Variants in RPTOR observed in about 807,000 individuals in gnomAD.
The protein encoded by RPTOR is regulatory associated protein of MTOR complex 1.
A neutral mutation model predicts 169.9 loss-of-function variants in RPTOR; 21 were observed. That is an observed-to-expected ratio of 0.12 (90% CI 0.09 to 0.18). RPTOR has a LOEUF of 0.18. Among genes scored for constraint, RPTOR ranks in the 10% least tolerant of loss-of-function variants. The pLI is 1.00. For synonymous variants in RPTOR, 732 were observed against 753.2 expected, an observed-to-expected ratio of 0.97 and a Z score of 0.46; for missense variants, 1,133 against 1,855.9, an observed-to-expected ratio of 0.61 and a Z score of 7.16.
chr17:80,560,605 A>G (rs990190954), intron 1 of RPTOR, among the ~76,000 whole-genome samples: 2 of 152,072 alleles, frequency 1.3e-5, no homozygotes, highest in African/African-American at 4.8e-5. Flanking sequence ...AGCTGGAGGA[A>G]CGGGGACGTG....
intron 1 of RPTOR, among the ~76,000 whole-genome samples, chr17:80,584,009 G>A (rs370623730): frequency 6.6e-6 from 1 of 152,224 alleles, no homozygotes; most frequent in African/African-American, 2.4e-5. Flanking sequence ...GGTGCTGTTG[G>A]TTGTTTGCTC....
intron 10 of RPTOR, 112 bp downstream of exon 10, chr17:80,838,109 A>G: frequency 2.4e-6 from 2 of 819,398 alleles, no homozygotes; most frequent in South Asian, 3.3e-5. Flanking sequence ...CGGGTGTCAG[A>G]TTTTGTTCAC....
At chr17:80,665,942 G>A (rs2065775598) in intron 3 of RPTOR, among the ~76,000 whole-genome samples, 1 of 152,114 alleles carries the variant, frequency 6.6e-6, no homozygotes, top group Admixed American at 6.5e-5. Context: ...CGTAACCCTG[G>A]AGGCCACTGA....
In RPTOR at chr17:80,872,742, C is replaced by G. The variant is rs143487052; in HGVS notation, c.1510-7673C>G. On this transcript the variant is annotated intron_variant, in intron 13 of 33. Transcript: ENST00000306801. Reference sequence around the variant, plus strand: ...TGCACCCAGGCAGACTAGACCGAGCCCTGGCAGGGGTGACGGCTCGCCCTT... The same window carrying G: ...TGCACCCAGGCAGACTAGACCGAGCGCTGGCAGGGGTGACGGCTCGCCCTT... Among the ~76,000 whole-genome samples the G allele has an allele frequency of 2.5e-3, 384 of 152,338 alleles. 1 individual carries two copies. Among genetic ancestry groups the G allele is most frequent in the African/African-American group, 8.9e-3 (368 of 41,574 alleles).
Position 80,720,418 on chromosome 17 carries a change from C to T in RPTOR, c.508-10142C>T, listed in dbSNP as rs964753704. 4.6e-5 allele frequency among the ~76,000 whole-genome samples: 7 copies of T among 152,276 alleles called. No homozygotes were observed. The South Asian group carries it at 1.2e-3, about 27-fold the overall frequency. ...CATTTGTTAAAATTGTTACTTTATT[C>T]GTCTTGAGAATCTAGCGGTGTCCAA... On this transcript the variant is annotated intron_variant, in intron 4 of 33. Transcript: ENST00000306801.
chr17:80,724,128 T>C (rs1242298897), intron 4 of RPTOR, among the ~76,000 whole-genome samples: 1 of 151,266 alleles, frequency 6.6e-6, no homozygotes, highest in Non-Finnish European at 1.5e-5. Context: ...AGATACAGCA[T>C]TTGACTTGGC....
chr17:80,727,590 C>T (rs768129525), intron 4 of RPTOR, among the ~76,000 whole-genome samples: 1 of 152,118 alleles, frequency 6.6e-6, no homozygotes. Flanking sequence ...GCTCCAAGAA[C>T]GTGGACGCTG....
rs1568295890 is a variant in RPTOR, at chr17:80,544,973, C to T, written c.-657C>T. ...CTCCGTGGTTCCGTGTCGCCCGTTT[C>T]TCAGGACTCGTTCTCAGGCAGGAGA... On this transcript the variant is annotated 5_prime_UTR_variant, in exon 1 of 34. Transcript: ENST00000306801. 8.6e-6 allele frequency: 2 copies of T among 232,152 alleles called. No individual in the cohort carries two copies. The highest frequency in any genetic ancestry group is 1.7e-5 in the Non-Finnish European group (2 of 117,144). 14.4% of individuals were successfully genotyped at this position (232,152 alleles called of 1,614,324 possible). A position where few individuals can be genotyped will look rare whatever the true frequency, so the allele number is the denominator to read the frequency against.
At chr17:80,595,772 T>C (rs1159935772) in intron 1 of RPTOR, among the ~76,000 whole-genome samples, 1 of 152,362 alleles carries the variant, frequency 6.6e-6, no homozygotes, top group Non-Finnish European at 1.5e-5. Context: ...AGGGTTTTTA[T>C]GTACATGTGC....
chr17:80,681,104 C>T (rs1280004809), intron 3 of RPTOR, among the ~76,000 whole-genome samples: 3 of 152,142 alleles, frequency 2.0e-5, no homozygotes, highest in South Asian at 2.1e-4. Context: ...AGTCCAGGCT[C>T]ATGGAGGGAG....
rs1351522017 is a variant in RPTOR at position 80,746,063 on chromosome 17, G to A, written c.655-7947G>A. ...TGTAATCCCAGCTACTTGAGAGGCT[G>A]AGGCGGGAGAATCGCTTGAACCCAG... On this transcript the variant is annotated intron_variant, in intron 5 of 33. Coordinates refer to ENST00000306801, the MANE Select transcript of RPTOR (RefSeq NM_020761.3). This position sits in a 1 kb window ranked among gnomAD's most constrained non-coding sequence, Gnocchi z 4.5. Among the ~76,000 whole-genome samples, 1 of 152,054 alleles carries A rather than the reference G, an allele frequency of 6.6e-6. No homozygotes were observed. Among genetic ancestry groups the A allele is most frequent in the Non-Finnish European group, 1.5e-5 (1 of 68,004 alleles).
rs537991292 is a variant in RPTOR, at chr17:80,822,886, T to C, written c.992-193T>C. 5.3e-5 allele frequency among the ~76,000 whole-genome samples: 8 copies of C among 152,158 alleles called. No individual in the cohort carries two copies. In the South Asian group the frequency reaches 1.5e-3, roughly 28 times the overall value. The stretch of plus-strand genomic sequence containing the variant: ...GTATGTATGCATGTGTGCATGTGTG[T>C]ACATTTGTGCACGTGTGTGTATGTT... On this transcript the variant is annotated intron_variant, in intron 8 of 33. Transcript: ENST00000306801.
intron 21 of RPTOR, among the ~76,000 whole-genome samples, chr17:80,916,075 C>T (rs983807514): frequency 6.6e-6 from 1 of 152,176 alleles, no homozygotes; most frequent in African/African-American, 2.4e-5. Context: ...TTCCTGGATG[C>T]AGGACAAGAA....
chr17:80,840,854 TCA>T (rs1262937325), intron 10 of RPTOR, among the ~76,000 whole-genome samples: 1 of 118,312 alleles, frequency 8.5e-6, no homozygotes, highest in Non-Finnish European at 1.7e-5. Context: ...CAGCTCACAC[TCA>T]CCACACGGCA....
intron 10 of RPTOR, among the ~76,000 whole-genome samples, chr17:80,843,582 C>T (rs1283944786): frequency 3.3e-5 from 5 of 151,898 alleles, no homozygotes; most frequent in Non-Finnish European, 7.4e-5. Context: ...CCTACAGAGC[C>T]GTACAGGGGG....
chr17:80,893,377 A>G (rs1420858010), intron 19 of RPTOR, among the ~76,000 whole-genome samples: 1 of 115,910 alleles, frequency 8.6e-6, no homozygotes, highest in Admixed American at 9.0e-5. Flanking sequence ...TGTGTGCACA[A>G]GGGTGTGTGC....
At chr17:80,755,212 C>T (rs981037261) in intron 6 of RPTOR, among the ~76,000 whole-genome samples, 1 of 152,224 alleles carries the variant, frequency 6.6e-6, no homozygotes, top group Non-Finnish European at 1.5e-5. Context: ...CTCACATTAA[C>T]TGTCCCTAGG....
At chr17:80,567,400 A>G (rs1049820327) in intron 1 of RPTOR, among the ~76,000 whole-genome samples, 2 of 152,058 alleles carry the variant, frequency 1.3e-5, no homozygotes, top group Non-Finnish European at 2.9e-5. Context: ...TAAGAACCTT[A>G]TAGAAGAAGG....
chr17:80,757,189 C>T (rs1356488248), intron 6 of RPTOR, among the ~76,000 whole-genome samples: 1 of 152,140 alleles, frequency 6.6e-6, no homozygotes, highest in Non-Finnish European at 1.5e-5. Context: ...AAGAATATGG[C>T]AGAGCTGAAA....
Sources: allele counts gnomAD v4.1 joint callset (sites outside exome capture counted in the v4.1 genomes callset), GRCh38; gene constraint gnomAD v4.1.1; non-coding constraint Gnocchi (gnomAD v3.1); transcripts MANE v1.5; gene names NCBI Gene and HGNC (gene_info 2026-07-23, HGNC 2026-07-21).